The following TAF4 variants were observed in gnomAD, a reference collection of about 807,000 sequenced individuals.
TAF4 encodes the protein transcription initiation factor TFIID subunit 4.
Under a neutral mutation model 90.3 loss-of-function variants are expected in TAF4, and 9 were observed. The observed-to-expected ratio is 0.10, with a 90% CI of 0.06 to 0.17. The LOEUF is 0.17. TAF4 is among the 10% of genes least tolerant of loss of function. TAF4 has a pLI of 1.00. For synonymous variants in TAF4, 818 were observed against 638.9 expected, an observed-to-expected ratio of 1.28 and a Z score of -4.23; for missense variants, 1,351 against 1,370.7, an observed-to-expected ratio of 0.99 and a Z score of 0.23.
intron 14 of TAF4, chr20:61,980,986 G>C (rs925457162): frequency 2.0e-5 from 3 of 152,504 alleles, no homozygotes; most frequent in Admixed American, 1.3e-4. Context: ...AGACGGGAAG[G>C]GGTTGTCAAG....
chr20:62,016,000 G>A (rs917706768), intron 1 of TAF4, among the ~76,000 whole-genome samples: 1 of 152,168 alleles, frequency 6.6e-6, no homozygotes, highest in Non-Finnish European at 1.5e-5. Flanking sequence ...CCCAGCTGCA[G>A]CAAATAACCT....
chr20:62,028,780 A>G (rs1226879951), intron 1 of TAF4, among the ~76,000 whole-genome samples: 1 of 152,226 alleles, frequency 6.6e-6, no homozygotes, highest in Non-Finnish European at 1.5e-5. Flanking sequence ...GTGAGCTCAC[A>G]TTCAGGAGTG....
Position 61,983,055 on chromosome 20 carries a change from C to T in TAF4, c.3091-6720G>A, listed in dbSNP as rs962884525. On this transcript the variant is annotated intron_variant, in intron 14 of 14. Transcript: ENST00000252996. ...CCTCAGGCTCTGAGTGAGGCGGAGG[C>T]GGGAGAGGGAGGCTGAGGACCAGAG... 1.1e-4 allele frequency among the ~76,000 whole-genome samples: 16 copies of T among 152,240 alleles called. 1 individual carries two copies. Among genetic ancestry groups the T allele is most frequent in the Admixed American group, 9.2e-4 (14 of 15,294 alleles).
At chr20:61,998,257 G>A (rs1272525788) in intron 12 of TAF4, 65 bp from the exon 13 acceptor site, 4 of 1,519,552 alleles carry the variant, frequency 2.6e-6, no homozygotes, top group Non-Finnish European at 1.8e-6. Context: ...TTTAACAAAT[G>A]TGTTATCTTA....
intron 1 of TAF4, among the ~76,000 whole-genome samples, chr20:62,020,283 G>A (rs536363101): frequency 1.1e-3 from 162 of 152,278 alleles, no homozygotes; most frequent in African/African-American, 3.8e-3. Flanking sequence ...TGCCGGTGGG[G>A]GGGCTCTTTC....
At chr20:61,998,956 C>G (rs6142916) in intron 12 of TAF4, 27 bp downstream of exon 12, 27 of 1,609,738 alleles carry the variant, frequency 1.7e-5, no homozygotes, top group Non-Finnish European at 2.0e-5. Flanking sequence ...GGTGCCCAGA[C>G]GGCAGCAGCA....
intron 1 of TAF4, among the ~76,000 whole-genome samples, chr20:62,054,829 C>T (rs1181949067): frequency 3.3e-5 from 5 of 152,146 alleles, no homozygotes; most frequent in South Asian, 4.1e-4. Flanking sequence ...AGCAACACCA[C>T]GACTCCCAGA....
chr20:62,061,775 T>C (rs969290760), intron 1 of TAF4, among the ~76,000 whole-genome samples: 3 of 152,234 alleles, frequency 2.0e-5, no homozygotes, highest in African/African-American at 4.8e-5. Flanking sequence ...TTCTCATTTT[T>C]CCTCAGTGAA....
chr20:62,007,660 A>G, intron 5 of TAF4, 24 bp from the exon 6 acceptor site: 1 of 1,581,024 alleles, frequency 6.3e-7, no homozygotes. Flanking sequence ...TCCATGTTGA[A>G]ATTCTGGTGA....
intron 1 of TAF4, among the ~76,000 whole-genome samples, chr20:62,020,189 GGAC>G (rs1418426562): frequency 2.0e-5 from 3 of 152,212 alleles, no homozygotes; most frequent in Admixed American, 6.5e-5. Context: ...CCCCAGCCCA[GGAC>G]GACAGGCCCC....
At chr20:61,981,284 T>C (rs2055539665) in intron 14 of TAF4, 1 of 151,722 alleles carries the variant, frequency 6.6e-6, no homozygotes, top group African/African-American at 2.4e-5. Flanking sequence ...AGTCAAAAAA[T>C]GGGGGCTCCA....
chr20:62,033,032 G>A (rs944881944), intron 1 of TAF4, among the ~76,000 whole-genome samples: 3 of 152,166 alleles, frequency 2.0e-5, no homozygotes, highest in Non-Finnish European at 4.4e-5. Context: ...AAAGAGGGGA[G>A]GCAGCTGTCT....
At chr20:62,039,217 T>C (rs758760740) in intron 1 of TAF4, among the ~76,000 whole-genome samples, 2 of 152,070 alleles carry the variant, frequency 1.3e-5, no homozygotes, top group Non-Finnish European at 2.9e-5. Flanking sequence ...TCCCTCTAAA[T>C]GGGCTGGAAA....
intron 1 of TAF4, among the ~76,000 whole-genome samples, chr20:62,056,538 G>A (rs2056065268): frequency 6.6e-6 from 1 of 152,154 alleles, no homozygotes; most frequent in Admixed American, 6.5e-5. Context: ...GTCGCCATCA[G>A]CACAGCACCC....
At chr20:61,998,875 G>GCCCAAAACATGCTCTGACCA in intron 12 of TAF4, 108 bp downstream of exon 12, 1 of 1,463,736 alleles carries the variant, frequency 6.8e-7, no homozygotes, top group Non-Finnish European at 9.2e-7. Flanking sequence ...TTCAAGGCCA[G>GCCCAAAACATGCTCTGACCA]CCCAAAACAT....
At chr20:62,002,794 G>A (rs1173785467) in intron 9 of TAF4, among the ~76,000 whole-genome samples, 1 of 152,196 alleles carries the variant, frequency 6.6e-6, no homozygotes, top group Non-Finnish European at 1.5e-5. Flanking sequence ...TACGCCTGGA[G>A]CAGTACAGCA....
intron 1 of TAF4, among the ~76,000 whole-genome samples, chr20:62,062,131 C>G (rs1005905642): frequency 1.3e-5 from 2 of 152,228 alleles, no homozygotes; most frequent in Non-Finnish European, 1.5e-5. Flanking sequence ...CCCGGCTCCT[C>G]CTCAGTTTGC....
chr20:62,011,058 G>A (rs568370416), intron 3 of TAF4, among the ~76,000 whole-genome samples: 30 of 152,292 alleles, frequency 2.0e-4, no homozygotes, highest in African/African-American at 7.0e-4. Flanking sequence ...TCTCCCGGTG[G>A]GTGCAGCCCC....
intron 1 of TAF4, among the ~76,000 whole-genome samples, chr20:62,036,389 G>A (rs956653767): frequency 3.9e-5 from 6 of 152,142 alleles, no homozygotes; most frequent in South Asian, 2.1e-4. Flanking sequence ...CCCCAGATTC[G>A]AGGAATTGAA....
Sources: allele counts gnomAD v4.1 joint callset (sites outside exome capture counted in the v4.1 genomes callset), GRCh38; gene constraint gnomAD v4.1.1; transcripts MANE v1.5; gene names NCBI Gene and HGNC (gene_info 2026-07-23, HGNC 2026-07-21).